The following ADCY2 variants were observed in gnomAD, a reference collection of about 807,000 sequenced individuals.
The protein encoded by ADCY2 is adenylate cyclase type 2.
Under a neutral mutation model 125.2 loss-of-function variants are expected in ADCY2, and 31 were observed. The ratio of observed to expected loss-of-function variants is 0.25; its 90% CI spans 0.19 to 0.33. The LOEUF (loss-of-function observed/expected upper bound fraction) is 0.33, where lower values mean the gene tolerates loss of function less well. ADCY2 is among the 10% of genes least tolerant of loss of function. The probability of loss-of-function intolerance (pLI) is 1.00; values close to 1 mark genes in which losing one functional copy is unlikely to be tolerated. For missense variants in ADCY2, 904 were observed against 1,418.2 expected (o/e 0.64, Z 5.82); for synonymous variants, 512 against 548.4 (o/e 0.93, Z 0.93).
At chr5:7,623,092 C>T (rs571572589) in intron 3 of ADCY2, among the ~76,000 whole-genome samples, 6 of 152,252 alleles carry the variant, frequency 3.9e-5, no homozygotes, top group South Asian at 4.2e-4. Context: ...GTGTCAGTGT[C>T]GGTATCAAAG....
intron 4 of ADCY2, among the ~76,000 whole-genome samples, chr5:7,684,790 G>A (rs891187341): frequency 1.3e-4 from 8 of 59,792 alleles, no homozygotes; most frequent in Non-Finnish European, 3.1e-4. Flanking sequence ...TTTTTTTTTT[G>A]TCAAAACATG....
chr5:7,772,372 G>A (rs1420895342), intron 17 of ADCY2, among the ~76,000 whole-genome samples: 1 of 152,018 alleles, frequency 6.6e-6, no homozygotes, highest in Non-Finnish European at 1.5e-5. Context: ...ACTCCCGGGG[G>A]GATTCATGAC....
chr5:7,550,719 A>G (rs914646132), intron 3 of ADCY2, among the ~76,000 whole-genome samples: 1 of 151,808 alleles, frequency 6.6e-6, no homozygotes, highest in South Asian at 2.1e-4. Context: ...GGCCCTCATC[A>G]CTTACCTGAG....
At chr5:7,563,488 A>G (rs569728453) in intron 3 of ADCY2, among the ~76,000 whole-genome samples, 125 of 151,328 alleles carry the variant, frequency 8.3e-4, no homozygotes, top group Non-Finnish European at 1.5e-3. Flanking sequence ...CACTTGCTTC[A>G]TTCTTAAGAT....
At chr5:7,449,870 T>C (rs1741408717) in intron 2 of ADCY2, among the ~76,000 whole-genome samples, 1 of 152,238 alleles carries the variant, frequency 6.6e-6, no homozygotes, top group African/African-American at 2.4e-5. Flanking sequence ...TTCATTATTA[T>C]GGTATCTGCT....
intron 4 of ADCY2, among the ~76,000 whole-genome samples, chr5:7,688,965 C>T (rs545609733): frequency 2.6e-4 from 40 of 152,238 alleles, no homozygotes; most frequent in African/African-American, 9.1e-4. Context: ...CAAGTTTATG[C>T]GTTTTGGGGA....
chr5:7,773,074 G>A lies in ADCY2; in HGVS notation c.2357G>A (p.Gly786Asp). The A allele has an allele frequency of 6.2e-7, 1 of 1,614,058 alleles. No homozygotes were observed. The highest frequency in any genetic ancestry group is 1.3e-5 in the African/African-American group (1 of 75,050). The change falls in exon 18 of 25, where the codon GGC becomes GAC. Residue 786 changes from glycine to aspartate, a missense_variant. Coordinates refer to ENST00000338316, the MANE Select transcript of ADCY2 (RefSeq NM_020546.3). ...ILLHTHAHVL[G>D]DYSQVLFERP... ...CTCCACACCCACGCCCACGTCCTGG[G>A]CGACTACAGCCAGGTCTTATTTGAG...
intron 2 of ADCY2, among the ~76,000 whole-genome samples, chr5:7,471,806 T>C (rs1281301087): frequency 6.6e-6 from 1 of 152,060 alleles, no homozygotes; most frequent in Non-Finnish European, 1.5e-5. Context: ...CTTCTGTGTA[T>C]ATTCTGATTT....
chr5:7,478,884 T>C (rs909843896), intron 2 of ADCY2, among the ~76,000 whole-genome samples: 3 of 152,186 alleles, frequency 2.0e-5, no homozygotes, highest in African/African-American at 7.2e-5. Context: ...CCAGCATGAA[T>C]GTGCATGCTT....
chr5:7,608,876 C>T (rs1737476410), intron 3 of ADCY2, among the ~76,000 whole-genome samples: 1 of 152,300 alleles, frequency 6.6e-6, no homozygotes, highest in South Asian at 2.1e-4. Flanking sequence ...CCATATGGGC[C>T]AGGTACTGAA....
At chr5:7,646,816 T>C (rs1439471358) in intron 4 of ADCY2, among the ~76,000 whole-genome samples, 2 of 152,226 alleles carry the variant, frequency 1.3e-5, no homozygotes, top group African/African-American at 2.4e-5. Flanking sequence ...CATATTGTTA[T>C]ATTATCACCA....
chr5:7,506,880 C>T (rs1579515289), intron 2 of ADCY2, among the ~76,000 whole-genome samples: 1 of 146,226 alleles, frequency 6.8e-6, no homozygotes, highest in East Asian at 2.0e-4. Context: ...CCCCGCCTCC[C>T]GGGTTCACGC....
At chr5:7,444,565 A>G (rs764093217) in intron 2 of ADCY2, among the ~76,000 whole-genome samples, 4 of 152,004 alleles carry the variant, frequency 2.6e-5, no homozygotes, top group Non-Finnish European at 5.9e-5. Context: ...ATTGATTGAC[A>G]TTGGAGTTAT....
chr5:7,577,202 G>A (rs1242395576), intron 3 of ADCY2, among the ~76,000 whole-genome samples: 1 of 152,150 alleles, frequency 6.6e-6, no homozygotes, highest in Non-Finnish European at 1.5e-5. Flanking sequence ...GGTGGACAGG[G>A]AAAGCCTTTT....
rs755970745 is a variant in ADCY2 at position 7,708,101 on chromosome 5, C to A, written c.1401+263C>A. On this transcript the variant is annotated intron_variant, in intron 9 of 24. Transcript: ENST00000338316. ...AGTTCAGGCTGTCATGTGTGTTAGT[C>A]GGTGTATTCCTTGGTGGATGCTGCA... The A allele has an allele frequency of 3.6e-5, 12 of 329,794 alleles. No individual in the cohort carries two copies. The South Asian group carries it at 6.6e-4, about 18-fold the overall frequency. The allele number at this position is 329,794 out of a possible 1,614,324, so 20.4% of individuals were successfully genotyped here. A position where few individuals can be genotyped will look rare whatever the true frequency, so the allele number is the denominator to read the frequency against.
chr5:7,783,546 A>G (rs1290078218), intron 18 of ADCY2, among the ~76,000 whole-genome samples: 1 of 152,126 alleles, frequency 6.6e-6, no homozygotes, highest in Non-Finnish European at 1.5e-5. Context: ...AATAAAAAAA[A>G]CAAGGACGAC....
chr5:7,619,581 C>G (rs1737883317), intron 3 of ADCY2, among the ~76,000 whole-genome samples: 1 of 152,084 alleles, frequency 6.6e-6, no homozygotes. Flanking sequence ...TTTCCTTTTC[C>G]ATTTTTATCT....
chr5:7,568,762 T>C (rs1218650992), intron 3 of ADCY2, among the ~76,000 whole-genome samples: 43 of 152,212 alleles, frequency 2.8e-4, no homozygotes, highest in Non-Finnish European at 7.3e-5. Context: ...AGGTGAAATT[T>C]TATTTCATTC....
intron 4 of ADCY2, among the ~76,000 whole-genome samples, chr5:7,634,816 G>T (rs1055944366): frequency 6.6e-6 from 1 of 151,852 alleles, no homozygotes; most frequent in Non-Finnish European, 1.5e-5. Flanking sequence ...AATAGCAGGT[G>T]ATAGACTGTA....
Sources: allele counts gnomAD v4.1 joint callset (sites outside exome capture counted in the v4.1 genomes callset), GRCh38; gene constraint gnomAD v4.1.1; transcripts MANE v1.5; gene names NCBI Gene and HGNC (gene_info 2026-07-23, HGNC 2026-07-21).